The following CDH22 variants were observed in gnomAD, a reference collection of about 807,000 sequenced individuals.
CDH22 encodes cadherin-22.
CDH22 carries 30 observed loss-of-function variants against 58.4 expected under a neutral mutation model. The observed-to-expected ratio is 0.51, with a 90% CI of 0.38 to 0.70. The LOEUF is 0.70. Among genes scored for constraint, CDH22 ranks in the 30% least tolerant of loss-of-function variants. The pLI is 0.00. For synonymous variants in CDH22, 513 were observed against 558.2 expected (o/e 0.92, Z 1.14); for missense variants, 1,014 against 1,233.9 (o/e 0.82, Z 2.67).
At chr20:46,302,328 GC>G (rs2086655907) in intron 1 of CDH22, among the ~76,000 whole-genome samples, 1 of 152,064 alleles carries the variant, frequency 6.6e-6, no homozygotes, top group Non-Finnish European at 1.5e-5. Flanking sequence ...AGCATCCCTG[GC>G]CTCTACCCAT....
At chr20:46,187,422 C>T (rs2085834396) in intron 8 of CDH22, among the ~76,000 whole-genome samples, 1 of 152,052 alleles carries the variant, frequency 6.6e-6, no homozygotes, top group African/African-American at 2.4e-5. Flanking sequence ...GTTACCATCA[C>T]CACTGCCATC....
At position 46,251,277 on chromosome 20, in the gene CDH22, T is replaced by C; in HGVS notation, c.18A>G (p.Glu6=). 6.8e-7 allele frequency: 1 copy of C among 1,460,856 alleles called. No homozygotes were observed. The highest frequency in any genetic ancestry group is 9.0e-7 in the Non-Finnish European group (1 of 1,113,234). 90.5% of individuals were successfully genotyped at this position (1,460,856 alleles called of 1,614,324 possible). ...CGACTCCCGCCCGGAGCCCCCTACC[T>C]TCGGGCCTCGGCCTCATCCTTGGCC... The part of the protein sequence containing the change: MRPRP[E]GRGLRAGVAL... Residue 6 remains glutamate (E), a synonymous_variant, in exon 2 of 12, where the codon GAA becomes GAG. Transcript: ENST00000537909. This position sits in a 1 kb window ranked among gnomAD's most constrained non-coding sequence, Gnocchi z 6.7.
At chr20:46,276,630 A>C (rs1001381084) in intron 1 of CDH22, among the ~76,000 whole-genome samples, 1 of 152,242 alleles carries the variant, frequency 6.6e-6, no homozygotes, top group African/African-American at 2.4e-5. Flanking sequence ...TGGCATCCCC[A>C]TCTTACAGAT....
intron 10 of CDH22, 31 bp from the exon 11 acceptor site, chr20:46,178,228 T>C (rs779267802): frequency 6.3e-7 from 1 of 1,599,112 alleles, no homozygotes; most frequent in Non-Finnish European, 8.5e-7. Context: ...GCGGTGTGAC[T>C]TGGGGCCGGG....
At chr20:46,307,846 G>A (rs1398431668) in intron 1 of CDH22, among the ~76,000 whole-genome samples, 1 of 151,988 alleles carries the variant, frequency 6.6e-6, no homozygotes, top group Non-Finnish European at 1.5e-5. Context: ...GAACGCCTGG[G>A]TCCCAGCCCT....
chr20:46,178,800 C>T lies in CDH22; in HGVS notation c.1664-603G>A, dbSNP rs115117181. On this transcript the variant is annotated intron_variant, in intron 10 of 11. Transcript: ENST00000537909. ...GTGGGATCTTTCTGTCCTTCATACCCCAAGGCCAGTTGAGAGTCCTGGAGC... is the reference window on the plus strand; with the variant it reads ...GTGGGATCTTTCTGTCCTTCATACCTCAAGGCCAGTTGAGAGTCCTGGAGC... 6.8e-3 allele frequency among the ~76,000 whole-genome samples: 1,037 copies of T among 152,160 alleles called. 8 individuals carry two copies. Among genetic ancestry groups the T allele is most frequent in the African/African-American group, 0.024 (985 of 41,504 alleles).
chr20:46,188,526 G>A (rs1486033693), intron 8 of CDH22, among the ~76,000 whole-genome samples: 2 of 152,190 alleles, frequency 1.3e-5, no homozygotes, highest in African/African-American at 4.8e-5. Flanking sequence ...AGGCATAAAT[G>A]GGTTAATAGG....
Position 46,277,525 on chromosome 20 carries a change from T to C in CDH22, c.-399-25832A>G, listed in dbSNP as rs79775910. Among the ~76,000 whole-genome samples, 1,109 of 152,286 alleles carry C rather than the reference T, an allele frequency of 7.3e-3. 18 individuals carry two copies. Among genetic ancestry groups the C allele is most frequent in the Admixed American group, 0.024 (368 of 15,300 alleles). On this transcript the variant is annotated intron_variant, in intron 1 of 11. Coordinates refer to ENST00000537909, the MANE Select transcript of CDH22 (RefSeq NM_021248.3). The stretch of plus-strand genomic sequence containing the variant: ...CTCTATCGTTCTTTGTTTTAACTAA[T>C]AAACGTTGTTAACCAATGAAGGGGT...
chr20:46,288,181 C>G (rs2086584284), intron 1 of CDH22, among the ~76,000 whole-genome samples: 2 of 152,134 alleles, frequency 1.3e-5, no homozygotes, highest in East Asian at 3.9e-4. Flanking sequence ...CTTCCCCAAT[C>G]TTGTCTGATG....
intron 1 of CDH22, among the ~76,000 whole-genome samples, chr20:46,296,612 T>A (rs1057004301): frequency 5.3e-5 from 8 of 152,178 alleles, no homozygotes; most frequent in African/African-American, 1.9e-4. Context: ...CAGGTGGGAA[T>A]GGGCCCTGGA....
chr20:46,199,850 CA>C (rs1185818224), intron 7 of CDH22, among the ~76,000 whole-genome samples: 7 of 152,216 alleles, frequency 4.6e-5, no homozygotes, highest in Non-Finnish European at 1.0e-4. Flanking sequence ...TGGAAGCTGG[CA>C]AAATGCTTGG....
intron 10 of CDH22, among the ~76,000 whole-genome samples, chr20:46,183,470 C>T (rs2085802846): frequency 6.6e-6 from 1 of 152,168 alleles, no homozygotes; most frequent in African/African-American, 2.4e-5. Context: ...ACTCTGTCTT[C>T]CAGGCTGGAG....
At chr20:46,298,011 A>G (rs1230446503) in intron 1 of CDH22, among the ~76,000 whole-genome samples, 2 of 152,038 alleles carry the variant, frequency 1.3e-5, no homozygotes, top group Non-Finnish European at 2.9e-5. Context: ...ACTCCTCCAC[A>G]AATGTCCCAC....
intron 1 of CDH22, among the ~76,000 whole-genome samples, chr20:46,259,281 A>C (rs1003648078): frequency 6.6e-6 from 1 of 152,248 alleles, no homozygotes; most frequent in African/African-American, 2.4e-5. Context: ...TTTCTCATTT[A>C]TCCATTCAAT....
intron 10 of CDH22, among the ~76,000 whole-genome samples, chr20:46,183,500 C>T (rs1292734940): frequency 1.3e-5 from 2 of 152,174 alleles, no homozygotes; most frequent in Non-Finnish European, 2.9e-5. Context: ...GCGATCGTGG[C>T]TCAATGGAGC....
At chr20:46,201,558 A>G (rs75835648) in intron 7 of CDH22, among the ~76,000 whole-genome samples, 4,114 of 152,218 alleles carry the variant, frequency 0.027, 91 homozygotes, top group Admixed American at 0.038. Flanking sequence ...CTCACCTGAA[A>G]AAGAGGATGA....
At chr20:46,265,447 G>A (rs958292668) in intron 1 of CDH22, among the ~76,000 whole-genome samples, 6 of 152,114 alleles carry the variant, frequency 3.9e-5, no homozygotes, top group African/African-American at 1.4e-4. Context: ...CACACTTTGA[G>A]CAAAATACTG....
At chr20:46,247,355 A>T (rs907192462) in intron 2 of CDH22, among the ~76,000 whole-genome samples, 1 of 56,550 alleles carries the variant, frequency 1.8e-5, no homozygotes, top group Admixed American at 1.6e-4. Context: ...AGGGTAAAAA[A>T]GTTGGCCCTC....
Position 46,174,749 on chromosome 20 carries a change from CCTGAACA to C in CDH22, c.2237_2243del (p.Val746GlyfsTer156). ...GTGCCACCTTGCGGCTGATGAAGTC[CCTGAACA>C]CTGAGAAGTCTGGCTCGGGGCTCGG... On this transcript the variant is annotated frameshift_variant, in exon 12 of 12. Coordinates refer to ENST00000537909, the MANE Select transcript of CDH22 (RefSeq NM_021248.3). LOFTEE classifies it low-confidence loss of function (END_TRUNC). This position sits in a 1 kb window ranked among gnomAD's most constrained non-coding sequence, Gnocchi z 4.4. The C allele has an allele frequency of 6.5e-7, 1 of 1,548,630 alleles. No homozygotes were observed. Among genetic ancestry groups the C allele is most frequent in the Non-Finnish European group, 8.7e-7 (1 of 1,154,954 alleles).
Sources: allele counts gnomAD v4.1 joint callset (sites outside exome capture counted in the v4.1 genomes callset), GRCh38; gene constraint gnomAD v4.1.1; non-coding constraint Gnocchi (gnomAD v3.1); transcripts MANE v1.5; gene names NCBI Gene and HGNC (gene_info 2026-07-23, HGNC 2026-07-21).